Variants in TOGARAM2 observed in about 807,000 individuals in gnomAD.
TOGARAM2 encodes the protein TOG array regulator of axonemal microtubules 2.
TOGARAM2 carries 85 observed loss-of-function variants against 93.3 expected under a neutral mutation model. The ratio of observed to expected loss-of-function variants is 0.91; its 90% CI spans 0.76 to 1.09. TOGARAM2 has a LOEUF of 1.09. Ranked by LOEUF, TOGARAM2 falls within the 50% of genes least tolerant of loss-of-function variation. The pLI is 0.00. For missense variants in TOGARAM2, 1,277 were observed against 1,334.5 expected, an observed-to-expected ratio of 0.96 and a Z score of 0.67; for synonymous variants, 593 against 552.8, an observed-to-expected ratio of 1.07 and a Z score of -1.02.
chr2:29,031,762 T>C (rs1572756805), intron 14 of TOGARAM2, among the ~76,000 whole-genome samples: 1 of 152,228 alleles, frequency 6.6e-6, no homozygotes, highest in Admixed American at 6.5e-5. Context: ...CATAGAAAGA[T>C]TGCCCTCACA....
intron 6 of TOGARAM2, among the ~76,000 whole-genome samples, chr2:29,005,320 CAT>C (rs1188334254): frequency 2.2e-5 from 2 of 90,078 alleles, no homozygotes; most frequent in Non-Finnish European, 4.6e-5. Context: ...GGTATGTGTG[CAT>C]GTGTGTGTGA....
intron 6 of TOGARAM2, among the ~76,000 whole-genome samples, chr2:29,010,240 A>G (rs557323474): frequency 2.7e-4 from 41 of 152,196 alleles, no homozygotes; most frequent in African/African-American, 9.6e-4. Flanking sequence ...CCCGCCTCCA[A>G]TCCTCTTAGT....
At chr2:28,977,850 C>T (rs139670351), upstream of TOGARAM2, among the ~76,000 whole-genome samples, 128 of 152,058 alleles carry the variant, frequency 8.4e-4, no homozygotes, top group African/African-American at 2.8e-3. Flanking sequence ...TAAGGACTCC[C>T]CTTGGGAGCA....
intron 6 of TOGARAM2, among the ~76,000 whole-genome samples, chr2:29,005,114 T>TGTGC (rs1673613124): frequency 7.0e-6 from 1 of 143,666 alleles, no homozygotes; most frequent in African/African-American, 2.7e-5. Context: ...AGTGCATGTG[T>TGTGC]ATGGGTGTGT....
chr2:29,009,856 G>A (rs55976101), intron 6 of TOGARAM2, among the ~76,000 whole-genome samples: 11,450 of 152,140 alleles, frequency 0.075, 515 homozygotes, highest in African/African-American at 0.12. Context: ...AGGGTGGGGC[G>A]GGGCTGCCAC....
chr2:29,006,688 C>T lies in TOGARAM2; in HGVS notation c.830+3006C>T, dbSNP rs117201343. On this transcript the variant is annotated intron_variant, in intron 6 of 19. Transcript: ENST00000379558. ...TGCACACACATATTCATGTCTTTCT[C>T]CGACCCTGTGGGTTATAGAGACCCG... is the stretch of plus-strand genomic sequence containing the variant. Among the ~76,000 whole-genome samples, 199 of 152,250 alleles carry T rather than the reference C, an allele frequency of 1.3e-3. No homozygotes were observed. In the East Asian group the frequency reaches 0.021, roughly 16 times the overall value.
intron 1 of TOGARAM2, among the ~76,000 whole-genome samples, chr2:28,965,783 A>G (rs1671858635): frequency 1.3e-5 from 2 of 152,060 alleles, no homozygotes; most frequent in South Asian, 2.1e-4. Flanking sequence ...CTGGATTCCA[A>G]TATCTGTCTC....
intron 8 of TOGARAM2, among the ~76,000 whole-genome samples, chr2:29,015,687 T>A (rs1441153897): frequency 6.6e-6 from 1 of 152,198 alleles, no homozygotes; most frequent in Non-Finnish European, 1.5e-5. Context: ...GGTTAGTCCT[T>A]GTCTACCTTG....
intron 1 of TOGARAM2, among the ~76,000 whole-genome samples, chr2:28,968,260 C>T (rs994315651): frequency 1.3e-5 from 2 of 152,114 alleles, no homozygotes; most frequent in Non-Finnish European, 2.9e-5. Flanking sequence ...TTCCCATTAT[C>T]TTTATTTCTT....
upstream of TOGARAM2, among the ~76,000 whole-genome samples, chr2:28,979,122 G>A (rs904104048): frequency 1.3e-5 from 2 of 149,580 alleles, no homozygotes; most frequent in African/African-American, 5.1e-5. Context: ...CCCACCTGGA[G>A]TGCCCCAATC....
intron 6 of TOGARAM2, among the ~76,000 whole-genome samples, chr2:29,005,658 G>A (rs1343501485): frequency 1.9e-5 from 1 of 53,422 alleles, no homozygotes; most frequent in African/African-American, 4.0e-5. Context: ...GTGTGTGAGG[G>A]CATGCATGTG....
chr2:29,026,455 A>T (rs79023379), intron 13 of TOGARAM2, among the ~76,000 whole-genome samples: 1 of 152,046 alleles, frequency 6.6e-6, no homozygotes, highest in Non-Finnish European at 1.5e-5. Flanking sequence ...AGTGGGTGGG[A>T]TGTCTAATTC....
intron 12 of TOGARAM2, 97 bp from the exon 13 acceptor site, chr2:29,024,042 G>C: frequency 9.7e-7 from 1 of 1,026,152 alleles, no homozygotes. Flanking sequence ...GGAAGGGTGG[G>C]GGTGGAGGAA....
chr2:28,958,345 TTTCAGGC>T (rs1203063292), intron 1 of TOGARAM2, among the ~76,000 whole-genome samples: 1 of 151,910 alleles, frequency 6.6e-6, no homozygotes, highest in Non-Finnish European at 1.5e-5. Flanking sequence ...TTGCCCTGTT[TTTCAGGC>T]TGGAGTGCAG....
intron 1 of TOGARAM2, among the ~76,000 whole-genome samples, chr2:28,964,677 C>T (rs1404341912): frequency 7.4e-6 from 1 of 134,252 alleles, no homozygotes; most frequent in African/African-American, 2.7e-5. Flanking sequence ...ATGTGTTGTT[C>T]CCTTCCCTGT....
intron 18 of TOGARAM2, among the ~76,000 whole-genome samples, chr2:29,040,648 G>T (rs538107553): frequency 2.6e-5 from 4 of 152,338 alleles, no homozygotes; most frequent in African/African-American, 9.6e-5. Flanking sequence ...CCATACAGGG[G>T]ATTGAGGCCC....
chr2:29,026,658 G>C (rs1665390579), intron 13 of TOGARAM2, among the ~76,000 whole-genome samples, 195 bp from the exon 14 acceptor site: 1 of 152,234 alleles, frequency 6.6e-6, no homozygotes, highest in Non-Finnish European at 1.5e-5. Flanking sequence ...CTCTCCCGTT[G>C]TTGCTGTCAC....
At position 29,024,339 on chromosome 2, in the gene TOGARAM2, C is replaced by G. The variant is rs1284581284; in HGVS notation, c.1818C>G (p.Ala606=). Residue 606 remains alanine (A), a synonymous_variant, in exon 13 of 20, where the codon GCC becomes GCG. Coordinates refer to ENST00000379558, the MANE Select transcript of TOGARAM2 (RefSeq NM_199280.4). ...LRAMVENVTL[A]RSLVVLTSAG... is the part of the protein sequence containing the mutation. ...CTATGGTGGAGAATGTGACCCTTGC[C>G]CGCTCCCTGGTGGTCCTCACCTCGG... 5.6e-6 allele frequency: 9 copies of G among 1,611,564 alleles called. No homozygotes were observed. Among genetic ancestry groups the G allele is most frequent in the Non-Finnish European group, 7.6e-6 (9 of 1,178,964 alleles).
At chr2:29,020,961 T>C (rs1316224958) in intron 10 of TOGARAM2, among the ~76,000 whole-genome samples, 1 of 152,204 alleles carries the variant, frequency 6.6e-6, no homozygotes, top group East Asian at 1.9e-4. Context: ...TCGCCCAGGC[T>C]GGAGTGCAGT....
Sources: gnomAD v4.1 joint callset for allele counts (sites outside exome capture counted in the v4.1 genomes callset) on GRCh38, gnomAD v4.1.1 for gene constraint, MANE v1.5 for transcripts, NCBI Gene and HGNC (gene_info 2026-07-23, HGNC 2026-07-21) for gene names.